Variants in FSD2 observed in about 807,000 individuals in gnomAD.
FSD2 encodes the protein fibronectin type III and SPRY domain-containing protein 2.
In FSD2, 71 loss-of-function variants were observed where a neutral mutation model predicts 80.4. The observed-to-expected ratio is 0.88, with a 90% CI of 0.73 to 1.08. FSD2 has a LOEUF of 1.08. Among genes scored for constraint, FSD2 ranks in the 50% least tolerant of loss-of-function variants. FSD2 has a pLI of 0.00. For missense variants in FSD2, 923 were observed against 913.8 expected, an observed-to-expected ratio of 1.01 and a Z score of -0.13; for synonymous variants, 361 against 329.5, an observed-to-expected ratio of 1.10 and a Z score of -1.03.
chr15:82,802,862 C>T (rs1000809611), intron 1 of FSD2, among the ~76,000 whole-genome samples: 2 of 152,156 alleles, frequency 1.3e-5, no homozygotes, highest in African/African-American at 4.8e-5. Context: ...ATGCAGAGGT[C>T]ATCTGGTGAA....
chr15:82,793,167 C>T (rs2050189237), intron 1 of FSD2, among the ~76,000 whole-genome samples: 1 of 152,104 alleles, frequency 6.6e-6, no homozygotes, highest in Non-Finnish European at 1.5e-5. Flanking sequence ...ACAATCTCGG[C>T]TCACTGCAAC....
At chr15:82,762,458 A>T (rs1309281673) in intron 11 of FSD2, among the ~76,000 whole-genome samples, 180 bp from the exon 12 acceptor site, 2 of 152,178 alleles carry the variant, frequency 1.3e-5, no homozygotes, top group African/African-American at 4.8e-5. Context: ...CTGATACTGA[A>T]GATTTGAGAT....
At chr15:82,761,716 A>G (rs1043377711) in intron 12 of FSD2, among the ~76,000 whole-genome samples, 1 of 146,452 alleles carries the variant, frequency 6.8e-6, no homozygotes, top group South Asian at 2.1e-4. Flanking sequence ...GGGTCTTGCT[A>G]TGTTGCCCAA....
intron 7 of FSD2, 66 bp from the exon 8 acceptor site, chr15:82,769,950 C>G (rs1012986050): frequency 1.3e-6 from 2 of 1,586,592 alleles, no homozygotes; most frequent in South Asian, 1.1e-5. Flanking sequence ...TTCATTATGC[C>G]GAATCCCACA....
chr15:82,786,529 C>T lies in FSD2; in HGVS notation c.717G>A (p.Glu239=), dbSNP rs556788027. Residue 239 remains glutamate (E), a synonymous_variant, in exon 3 of 13, where the codon GAG becomes GAA. Transcript: ENST00000334574. ...EMENFANHLE[E]VFITVEENFG... ...CTCTTACCTCCACAGTGATGAAAAC[C>T]TCCTCCAAATGATTTGCAAAGTTTT... 8.7e-6 allele frequency: 14 copies of T among 1,613,234 alleles called. No homozygotes were observed. Among genetic ancestry groups the T allele is most frequent in the Non-Finnish European group, 1.1e-5 (13 of 1,179,538 alleles).
intron 3 of FSD2, among the ~76,000 whole-genome samples, chr15:82,785,518 T>G (rs1343267577): frequency 6.6e-6 from 1 of 151,972 alleles, no homozygotes; most frequent in Admixed American, 6.6e-5. Context: ...GAAATGGGAT[T>G]TCACCATGTT....
chr15:82,768,068 G>A (rs1306140561), intron 9 of FSD2, among the ~76,000 whole-genome samples: 1 of 152,194 alleles, frequency 6.6e-6, no homozygotes, highest in African/African-American at 2.4e-5. Flanking sequence ...TGGTCACTGA[G>A]TCCAACCCTT....
intron 4 of FSD2, among the ~76,000 whole-genome samples, chr15:82,782,199 T>G (rs529997391): frequency 6.8e-6 from 1 of 147,174 alleles, no homozygotes. Flanking sequence ...ATCAAGACCA[T>G]CCTGGCTAAC....
rs902311461 is a variant in FSD2, at chr15:82,768,259, C to A, written c.1553+621G>T. Among the ~76,000 whole-genome samples, 8 of 152,188 alleles carry A rather than the reference C, an allele frequency of 5.3e-5. 1 individual carries two copies. The highest frequency in any genetic ancestry group is 1.9e-4 in the African/African-American group (8 of 41,446). ...TAGGTGGGTCTTTTAGTTCCTCCAGCAGCTCACTCCTGCCCCAGGGCCTGT... is the reference window on the plus strand; with the variant it reads ...TAGGTGGGTCTTTTAGTTCCTCCAGAAGCTCACTCCTGCCCCAGGGCCTGT... On this transcript the variant is annotated intron_variant, in intron 9 of 12. Coordinates refer to ENST00000334574, the MANE Select transcript of FSD2 (RefSeq NM_001007122.4).
Position 82,772,309 on chromosome 15 carries a change from T to TC in FSD2, c.1112-82dup, listed in dbSNP as rs992700133. On this transcript the variant is annotated intron_variant, in intron 6 of 12. Transcript: ENST00000334574. ...GTGGCCCCTTTCCCATGACCATTGA[T>TC]CCCCCCAATGAATCCACAGCCTTTG... 5 of 1,383,238 alleles carry TC rather than the reference T, an allele frequency of 3.6e-6. No individual in the cohort carries two copies. The African/African-American group carries it at 5.8e-5, about 16-fold the overall frequency. 85.7% of individuals were successfully genotyped at this position (1,383,238 alleles called of 1,614,324 possible).
At chr15:82,767,341 A>G (rs1450403535) in intron 9 of FSD2, among the ~76,000 whole-genome samples, 2 of 152,224 alleles carry the variant, frequency 1.3e-5, no homozygotes, top group Non-Finnish European at 2.9e-5. Context: ...AGTCTCCTAC[A>G]TAGGAGAAGC....
At chr15:82,768,690 T>C (rs2049483411) in intron 9 of FSD2, among the ~76,000 whole-genome samples, 190 bp downstream of exon 9, 2 of 152,226 alleles carry the variant, frequency 1.3e-5, no homozygotes, top group Admixed American at 6.5e-5. Flanking sequence ...AACCAACTTA[T>C]TCATTCACTT....
chr15:82,767,010 G>T (rs1210359892), intron 9 of FSD2, among the ~76,000 whole-genome samples: 1 of 152,182 alleles, frequency 6.6e-6, no homozygotes, highest in South Asian at 2.1e-4. Context: ...AGGCCAAGTT[G>T]TCCAGGTTAT....
chr15:82,765,979 G>T lies in FSD2; in HGVS notation c.1606C>A (p.Arg536=), dbSNP rs763012415. ...CESVVQLQPG[R]SYIIYVRALN... ...GCTCGCACATAGATAATGTAGCTCC[G>T]CCCCGGCTGCAGCTGCACCACGGAC... Residue 536 remains arginine (R), a synonymous_variant, in exon 10 of 13, where the codon CGG becomes AGG. Coordinates refer to ENST00000334574, the MANE Select transcript of FSD2 (RefSeq NM_001007122.4). The T allele has an allele frequency of 1.3e-6, 2 of 1,599,628 alleles. No individual in the cohort carries two copies. The highest frequency in any genetic ancestry group is 2.3e-5 in the South Asian group (2 of 88,198).
chr15:82,779,012 C>G, intron 5 of FSD2, 125 bp from the exon 6 acceptor site: 1 of 1,139,616 alleles, frequency 8.8e-7, no homozygotes, highest in Non-Finnish European at 1.2e-6. Context: ...TAGTTACAAA[C>G]AGCTGCTGGC....
At chr15:82,804,656 C>A (rs568553795) in intron 1 of FSD2, among the ~76,000 whole-genome samples, 1 of 152,302 alleles carries the variant, frequency 6.6e-6, no homozygotes, top group East Asian at 1.9e-4. Context: ...TCTGTATGAC[C>A]AATAAATCAT....
intron 1 of FSD2, among the ~76,000 whole-genome samples, chr15:82,804,755 T>C (rs1308532134): frequency 2.6e-5 from 4 of 152,190 alleles, no homozygotes; most frequent in Non-Finnish European, 4.4e-5. Flanking sequence ...CAAATACAGA[T>C]AAGAACACAT....
At chr15:82,765,347 C>T in intron 10 of FSD2, 49 bp from the exon 11 acceptor site, 3 of 1,611,404 alleles carry the variant, frequency 1.9e-6, no homozygotes, top group Non-Finnish European at 2.5e-6. Flanking sequence ...CACTTGCTTT[C>T]TCCATGTGGG....
Position 82,768,999 on chromosome 15 carries a change from C to A in FSD2, c.1434G>T (p.Glu478Asp). ...APSPPIIKTK[E>D]IRSCEEAVLI... is the part of the protein sequence containing the mutation. ...GCACAGCCTCTTCACAGCTCCTTAT[C>A]TCTTTGGTTTTAATAATGGGGGGAG... is the stretch of plus-strand genomic sequence containing the variant. The change falls in exon 9 of 13, where the codon GAG (glutamate) becomes GAT (aspartate). Residue 478 changes from glutamate (E) to aspartate (D), a missense_variant. Glu to Asp is a conservative substitution (Grantham distance 45, BLOSUM62 2). Coordinates refer to ENST00000334574, the MANE Select transcript of FSD2 (RefSeq NM_001007122.4). The A allele has an allele frequency of 6.3e-7, 1 of 1,597,732 alleles. No individual in the cohort carries two copies. Among genetic ancestry groups the A allele is most frequent in the African/African-American group, 1.3e-5 (1 of 74,260 alleles).
Sources: gnomAD v4.1 joint callset for allele counts (sites outside exome capture counted in the v4.1 genomes callset) on GRCh38, gnomAD v4.1.1 for gene constraint, MANE v1.5 for transcripts, NCBI Gene and HGNC (gene_info 2026-07-23, HGNC 2026-07-21) for gene names.